Variants in DLGAP1 observed in about 807,000 individuals in gnomAD.
DLGAP1 encodes disks large-associated protein 1.
DLGAP1 carries 11 observed loss-of-function variants against 90.8 expected under a neutral mutation model. That is an observed-to-expected ratio of 0.12 (90% CI 0.08 to 0.20). The LOEUF is 0.20. Ranked by LOEUF, DLGAP1 falls within the 10% of genes least tolerant of loss-of-function variation. The pLI, the probability that DLGAP1 is intolerant of heterozygous loss-of-function variation, is 1.00. For synonymous variants in DLGAP1, 558 were observed against 540.7 expected, an observed-to-expected ratio of 1.03 and a Z score of -0.44; for missense variants, 1,050 against 1,333.8, an observed-to-expected ratio of 0.79 and a Z score of 3.31.
chr18:4,160,964 T>C (rs900324258), intron 1 of DLGAP1, among the ~76,000 whole-genome samples: 1 of 152,014 alleles, frequency 6.6e-6, no homozygotes, highest in African/African-American at 2.4e-5. Flanking sequence ...AACCAAGATT[T>C]AAATCTAGTT....
intron 2 of DLGAP1, among the ~76,000 whole-genome samples, chr18:4,059,746 T>C (rs898783367): frequency 2.1e-5 from 3 of 141,208 alleles, no homozygotes; most frequent in African/African-American, 2.7e-5. Context: ...ATAAACAGAC[T>C]GGAAGAAAAT....
At chr18:4,374,344 A>AT (rs1312405102) in intron 1 of DLGAP1, among the ~76,000 whole-genome samples, 1 of 152,146 alleles carries the variant, frequency 6.6e-6, no homozygotes, top group East Asian at 1.9e-4. Flanking sequence ...ACATACCAAC[A>AT]TTTTTTAAAA....
chr18:3,939,416 C>CAAAAAAAAAA (rs10591716), intron 3 of DLGAP1, among the ~76,000 whole-genome samples: 1 of 82,134 alleles, frequency 1.2e-5, no homozygotes, highest in Non-Finnish European at 2.3e-5. Context: ...GATTCTGTCT[C>CAAAAAAAAAA]AAAAAAAAAA....
At chr18:4,412,037 T>C (rs2082790192) in intron 1 of DLGAP1, among the ~76,000 whole-genome samples, 1 of 152,150 alleles carries the variant, frequency 6.6e-6, no homozygotes, top group Non-Finnish European at 1.5e-5. Flanking sequence ...AAGGACGTCC[T>C]TATCTTGTAA....
At chr18:4,447,376 G>T (rs1369537384) in intron 1 of DLGAP1, among the ~76,000 whole-genome samples, 2 of 152,106 alleles carry the variant, frequency 1.3e-5, no homozygotes, top group Admixed American at 1.3e-4. Context: ...AGGTAAAGAA[G>T]ACTACAAGAG....
chr18:3,880,532 A>C (rs961852748), intron 3 of DLGAP1, among the ~76,000 whole-genome samples: 1 of 152,038 alleles, frequency 6.6e-6, no homozygotes, highest in Admixed American at 6.5e-5. Context: ...GCAGAACTTA[A>C]TCAGTGTCCC....
chr18:3,663,794 TC>T (rs1567922453), intron 7 of DLGAP1, among the ~76,000 whole-genome samples: 1 of 152,214 alleles, frequency 6.6e-6, no homozygotes, highest in African/African-American at 2.4e-5. Flanking sequence ...AGTTTGTGTG[TC>T]AACTTGACTG....
At chr18:3,810,375 T>G (rs939549373) in intron 5 of DLGAP1, among the ~76,000 whole-genome samples, 3 of 152,102 alleles carry the variant, frequency 2.0e-5, no homozygotes, top group Non-Finnish European at 4.4e-5. Flanking sequence ...AAAAACAATG[T>G]AAGAAAGTGT....
intron 7 of DLGAP1, among the ~76,000 whole-genome samples, chr18:3,601,027 T>TAGATATAGATATATAGATATAG (rs1568280420): frequency 3.4e-5 from 4 of 116,606 alleles, no homozygotes; most frequent in Non-Finnish European, 7.7e-5. Context: ...TATAGATATA[T>TAGATATAGATATATAGATATAG]AGATATAGAG....
At chr18:3,733,579 A>T (rs1051560954) in intron 6 of DLGAP1, among the ~76,000 whole-genome samples, 2 of 152,020 alleles carry the variant, frequency 1.3e-5, no homozygotes, top group Non-Finnish European at 2.9e-5. Context: ...CCCATTTTTG[A>T]CTTAAGGTAT....
chr18:3,641,901 G>C (rs73383012), intron 7 of DLGAP1, among the ~76,000 whole-genome samples: 5,883 of 152,118 alleles, frequency 0.039, 273 homozygotes, highest in East Asian at 0.19. Context: ...ACTGCAACAT[G>C]AAAACTAATA....
intron 3 of DLGAP1, among the ~76,000 whole-genome samples, chr18:3,949,261 A>C (rs565799606): frequency 2.6e-5 from 4 of 152,296 alleles, no homozygotes; most frequent in African/African-American, 9.6e-5. Context: ...AGTTAGGTTC[A>C]AAAAATTAGA....
chr18:3,657,566 G>C (rs2059535415), intron 7 of DLGAP1, among the ~76,000 whole-genome samples: 1 of 151,582 alleles, frequency 6.6e-6, no homozygotes, highest in Admixed American at 6.6e-5. Context: ...TATTCTTTAT[G>C]GCAAATTCCA....
intron 5 of DLGAP1, among the ~76,000 whole-genome samples, chr18:3,755,889 T>C (rs988623848): frequency 2.6e-5 from 4 of 152,152 alleles, no homozygotes; most frequent in Non-Finnish European, 4.4e-5. Flanking sequence ...CACTGAACTA[T>C]CTCTAGGGTA....
chr18:3,984,181 G>A (rs187439899), intron 3 of DLGAP1: 12 of 152,194 alleles, frequency 7.9e-5, no homozygotes, highest in Middle Eastern at 3.4e-3. Context: ...CCTTGATCTC[G>A]GACTTCAGCC....
At chr18:3,894,733 T>C (rs948945100) in intron 3 of DLGAP1, 1 of 152,242 alleles carries the variant, frequency 6.6e-6, no homozygotes, top group African/African-American at 2.4e-5. Flanking sequence ...TTGCATGTCA[T>C]CCTTGTGCAG....
chr18:3,633,327 C>T (rs914486130), intron 7 of DLGAP1, among the ~76,000 whole-genome samples: 16 of 149,570 alleles, frequency 1.1e-4, no homozygotes, highest in Non-Finnish European at 1.9e-4. Context: ...CGCTTGAACC[C>T]AGAAAGCAGA....
chr18:4,360,791 C>T (rs1354249492), intron 1 of DLGAP1, among the ~76,000 whole-genome samples: 1 of 152,038 alleles, frequency 6.6e-6, no homozygotes, highest in Admixed American at 6.6e-5. Flanking sequence ...CCAGCCTAGC[C>T]AACATGGCAA....
chr18:4,082,341 C>CAAAT (rs2075621128), intron 2 of DLGAP1, among the ~76,000 whole-genome samples: 1 of 78,776 alleles, frequency 1.3e-5, no homozygotes, highest in African/African-American at 5.2e-5. Flanking sequence ...GACTCCATCT[C>CAAAT]AAAAAAAAAA....
Sources: gnomAD v4.1 joint callset for allele counts (sites outside exome capture counted in the v4.1 genomes callset) on GRCh38, gnomAD v4.1.1 for gene constraint, MANE v1.5 for transcripts, NCBI Gene and HGNC (gene_info 2026-07-23, HGNC 2026-07-21) for gene names.